POU2F1: variants seen among roughly 807,000 people sequenced by gnomAD.
The protein encoded by POU2F1 is POU class 2 homeobox 1, also known as POU domain, class 2, transcription factor 1.
POU2F1 carries 16 observed loss-of-function variants against 84.9 expected under a neutral mutation model. The ratio of observed to expected loss-of-function variants is 0.19; its 90% confidence interval spans 0.13 to 0.29. The LOEUF (loss-of-function observed/expected upper bound fraction) is 0.29, where lower values mean the gene tolerates loss of function less well. Among genes scored for constraint, POU2F1 ranks in the 10% least tolerant of loss-of-function variants. The pLI is 1.00. For synonymous variants in POU2F1, 368 were observed against 368.3 expected (o/e 1.00, Z 0.01); for missense variants, 738 against 942.6 (o/e 0.78, Z 2.84).
At chr1:167,287,392 A>G (rs1653606770) in intron 1 of POU2F1, among the ~76,000 whole-genome samples, 1 of 152,350 alleles carries the variant, frequency 6.6e-6, no homozygotes, top group South Asian at 2.1e-4. Flanking sequence ...CAAGCTTCTC[A>G]TATTCCTCCA....
At position 167,370,313 on chromosome 1, in the gene POU2F1, T is replaced by C. The variant is rs940926946; in HGVS notation, c.282+99T>C. On this transcript the variant is annotated intron_variant, in intron 4 of 15. Coordinates refer to ENST00000367866, the MANE Select transcript of POU2F1 (RefSeq NM_002697.4). Reference sequence around the variant, plus strand: ...TTTTATAATAGGAAATGCTTAGAAGTATTACCTTTTCAAAATTAGTGAATC... The same window carrying C: ...TTTTATAATAGGAAATGCTTAGAAGCATTACCTTTTCAAAATTAGTGAATC... 33 of 919,380 alleles carry C rather than the reference T, an allele frequency of 3.6e-5. No homozygotes were observed. In the Admixed American group the frequency reaches 4.7e-4, roughly 13 times the overall value. The allele number at this position is 919,380 out of a possible 1,614,324, so 57.0% of individuals were successfully genotyped here. A position where few individuals can be genotyped will look rare whatever the true frequency, so the allele number is the denominator to read the frequency against.
chr1:167,370,326 A>G, intron 4 of POU2F1, 112 bp downstream of exon 4: 1 of 787,210 alleles, frequency 1.3e-6, no homozygotes. Flanking sequence ...TACCTTTTCA[A>G]AATTAGTGAA....
intron 1 of POU2F1, among the ~76,000 whole-genome samples, chr1:167,281,115 T>C (rs266827): frequency 0.1 from 15,812 of 152,144 alleles, 2,102 homozygotes; most frequent in African/African-American, 0.32. Flanking sequence ...TTTAAATGAA[T>C]AGATACAGTT....
intron 8 of POU2F1, 81 bp downstream of exon 8, chr1:167,384,032 A>T (rs1197498746): frequency 6.1e-6 from 7 of 1,145,130 alleles, no homozygotes; most frequent in South Asian, 5.1e-5. Flanking sequence ...TTTTTTTTTT[A>T]AATCTAATAA....
At chr1:167,415,415 A>T in intron 15 of POU2F1, 85 bp from the exon 16 acceptor site, 1 of 1,436,466 alleles carries the variant, frequency 7.0e-7, no homozygotes, top group Non-Finnish European at 9.5e-7. Flanking sequence ...TAGGAAAATG[A>T]TAGACTTTTG....
intron 1 of POU2F1, among the ~76,000 whole-genome samples, chr1:167,300,913 G>C (rs1273624748): frequency 6.6e-6 from 1 of 152,078 alleles, no homozygotes; most frequent in Non-Finnish European, 1.5e-5. Flanking sequence ...TGGGATTACA[G>C]GCGCATGCCA....
intron 2 of POU2F1, among the ~76,000 whole-genome samples, chr1:167,358,038 G>A (rs561222600): frequency 7.1e-4 from 108 of 151,304 alleles, no homozygotes; most frequent in Middle Eastern, 3.4e-3. Context: ...TCTTGACCTC[G>A]TGATCTGCCT....
rs545159608 is a variant in POU2F1 at position 167,401,522 on chromosome 1, G to A, written c.1521G>A (p.Leu507=). ...TCACAGTCAGCCCTGTCCTCCCTCT[G>A]ACCAGTGCTGCTGTGACGAATCTTT... ...TTLTVSPVLP[L]TSAAVTNLSV... Residue 507 remains leucine, a synonymous_variant, in exon 13 of 16, where the codon CTG becomes CTA. Transcript: ENST00000367866. The A allele has an allele frequency of 1.9e-6, 3 of 1,612,558 alleles. No homozygotes were observed. In the African/African-American group the frequency reaches 4.0e-5, roughly 22 times the overall value.
intron 1 of POU2F1, among the ~76,000 whole-genome samples, chr1:167,225,129 G>C (rs1648533775): frequency 6.6e-6 from 1 of 152,026 alleles, no homozygotes; most frequent in African/African-American, 2.4e-5. Context: ...TGCCCAGCCC[G>C]TTGTCACTTT....
rs76531053 is a variant in POU2F1 at position 167,254,593 on chromosome 1, C to T, written c.61+33635C>T. Among the ~76,000 whole-genome samples, 64 of 152,308 alleles carry T rather than the reference C, an allele frequency of 4.2e-4. 1 individual carries two copies. The East Asian group carries it at 0.012, about 28-fold the overall frequency. ...ACTCATTGTTAACAATCAGCAAGTACTATTCAGAGTCTGACTCATAACCAT... is the reference window on the plus strand; with the variant it reads ...ACTCATTGTTAACAATCAGCAAGTATTATTCAGAGTCTGACTCATAACCAT... On this transcript the variant is annotated intron_variant, in intron 1 of 15. Coordinates refer to ENST00000367866, the MANE Select transcript of POU2F1 (RefSeq NM_002697.4).
intron 1 of POU2F1, among the ~76,000 whole-genome samples, chr1:167,287,686 C>A (rs1377386328): frequency 2.6e-5 from 4 of 152,130 alleles, no homozygotes; most frequent in African/African-American, 9.7e-5. Flanking sequence ...CAAAATGAAT[C>A]TAATTGGAGT....
chr1:167,230,604 C>CTTTATCTCCACAGA (rs1226466267), intron 1 of POU2F1, among the ~76,000 whole-genome samples: 9 of 152,286 alleles, frequency 5.9e-5, no homozygotes, highest in African/African-American at 2.2e-4. Flanking sequence ...AGGGACCTGT[C>CTTTATCTCCACAGA]TGTCCATTTC....
intron 1 of POU2F1, among the ~76,000 whole-genome samples, chr1:167,229,867 A>G (rs950107090): frequency 3.3e-5 from 5 of 152,182 alleles, no homozygotes; most frequent in African/African-American, 1.2e-4. Context: ...GAGGTGTTGC[A>G]TTGTAGCAAA....
chr1:167,310,062 G>A (rs929265428), intron 1 of POU2F1, among the ~76,000 whole-genome samples: 3 of 152,086 alleles, frequency 2.0e-5, no homozygotes, highest in Non-Finnish European at 2.9e-5. Context: ...CTATATGTGC[G>A]AAGATGATTT....
intron 13 of POU2F1, among the ~76,000 whole-genome samples, chr1:167,410,285 T>C (rs1348930492): frequency 6.6e-6 from 1 of 152,168 alleles, no homozygotes; most frequent in Admixed American, 6.5e-5. Flanking sequence ...AAGAAAGTAG[T>C]CAGTGCTGAA....
intron 1 of POU2F1, among the ~76,000 whole-genome samples, chr1:167,324,695 G>T (rs1656572177): frequency 6.6e-6 from 1 of 152,132 alleles, no homozygotes; most frequent in African/African-American, 2.4e-5. Flanking sequence ...TAGTAGCTAT[G>T]TGACCCTAAG....
chr1:167,367,693 C>G (rs145595593), intron 3 of POU2F1, among the ~76,000 whole-genome samples: 1 of 152,210 alleles, frequency 6.6e-6, no homozygotes, highest in East Asian at 1.9e-4. Context: ...TACTATTTTA[C>G]CATATTTGCT....
chr1:167,252,028 A>C lies in POU2F1; in HGVS notation c.61+31070A>C, dbSNP rs532884964. ...CTTGGCTAATTTTGTATATATATAT[A>C]TATATATAGTTTTAGTAGAGACCGG... On this transcript the variant is annotated intron_variant, in intron 1 of 15. Transcript: ENST00000367866. Among the ~76,000 whole-genome samples the C allele has an allele frequency of 4.0e-5, 6 of 150,794 alleles. No homozygotes were observed. The East Asian group carries it at 1.2e-3, about 29-fold the overall frequency.
At chr1:167,290,288 T>C (rs1443800231) in intron 1 of POU2F1, among the ~76,000 whole-genome samples, 2 of 152,012 alleles carry the variant, frequency 1.3e-5, no homozygotes, top group African/African-American at 2.4e-5. Context: ...TCCCATGTAC[T>C]TGGGAGGCTG....
Sources: gnomAD v4.1 joint callset for allele counts (sites outside exome capture counted in the v4.1 genomes callset) on GRCh38, gnomAD v4.1.1 for gene constraint, MANE v1.5 for transcripts, NCBI Gene and HGNC (gene_info 2026-07-23, HGNC 2026-07-21) for gene names.